Variants in IRAG2 observed in about 807,000 individuals in gnomAD.
The protein encoded by IRAG2 is inositol 1,4,5-triphosphate receptor associated 2, also known as lymphoid restricted membrane protein.
IRAG2 carries 45 observed loss-of-function variants against 69.9 expected under a neutral mutation model. That is an observed-to-expected ratio of 0.64 (90% CI 0.51 to 0.83). IRAG2 has a LOEUF of 0.83. IRAG2 is among the 40% of genes least tolerant of loss of function. IRAG2 has a pLI of 0.00. For synonymous variants in IRAG2, 193 were observed against 202.4 expected, an observed-to-expected ratio of 0.95 and a Z score of 0.40; for missense variants, 520 against 587.0, an observed-to-expected ratio of 0.89 and a Z score of 1.18.
chr12:25,060,704 G>A (rs1466424619), intron 1 of IRAG2, among the ~76,000 whole-genome samples: 1 of 127,230 alleles, frequency 7.9e-6, no homozygotes, highest in Non-Finnish European at 1.6e-5. Context: ...AGGGAGTCTC[G>A]CCCTGGAGTG....
At chr12:25,101,609 C>G (rs867191456) in intron 16 of IRAG2, among the ~76,000 whole-genome samples, 1 of 152,116 alleles carries the variant, frequency 6.6e-6, no homozygotes, top group African/African-American at 2.4e-5. Flanking sequence ...CCTTAGTGTT[C>G]CCCTACTTAG....
upstream of IRAG2, among the ~76,000 whole-genome samples, chr12:25,048,235 G>GT (rs1015425929): frequency 1.3e-5 from 2 of 152,042 alleles, no homozygotes; most frequent in African/African-American, 4.8e-5. Flanking sequence ...TTTCATGTTT[G>GT]TTGGCCATGT....
At chr12:25,097,258 A>G (rs529235133) in intron 15 of IRAG2, 111 of 440,778 alleles carry the variant, frequency 2.5e-4, no homozygotes, top group African/African-American at 2.0e-3. Flanking sequence ...TGACAATCAT[A>G]AAATTTTTGT....
At chr12:25,084,534 T>G (rs1221045450) in intron 10 of IRAG2, among the ~76,000 whole-genome samples, 1 of 134,116 alleles carries the variant, frequency 7.5e-6, no homozygotes, top group Admixed American at 7.6e-5. Context: ...GTTGTATGCA[T>G]GGAGGGGTGT....
At chr12:25,007,882 C>T (rs1483812052) in intron 2 of IRAG2, among the ~76,000 whole-genome samples, 1 of 152,142 alleles carries the variant, frequency 6.6e-6, no homozygotes, top group Non-Finnish European at 1.5e-5. Flanking sequence ...TCTGTAGGAA[C>T]ACAAGCTGTT....
chr12:25,045,670 G>T (rs1944786735), intron 16 of IRAG2, among the ~76,000 whole-genome samples: 1 of 151,794 alleles, frequency 6.6e-6, no homozygotes, highest in Non-Finnish European at 1.5e-5. Flanking sequence ...ATTTCTTTAT[G>T]AATCATGAAG....
chr12:25,094,590 T>G (rs905394767), intron 14 of IRAG2, among the ~76,000 whole-genome samples: 1 of 152,182 alleles, frequency 6.6e-6, no homozygotes, highest in Non-Finnish European at 1.5e-5. Flanking sequence ...TAAATTTTTC[T>G]ATTTCTGCAA....
chr12:25,090,105 T>C lies in IRAG2; in HGVS notation c.514T>C (p.Leu172=), dbSNP rs373895631. The change falls in exon 14 of 22, where the codon TTG becomes CTG. Residue 172 remains leucine (L), a synonymous_variant. Transcript: ENST00000556887. ...SLGFKCDWFT[L]EKRVKLEERS... The stretch of plus-strand genomic sequence containing the variant: ...GGGATTTAAGTGTGACTGGTTTACC[T>C]TGGAGAAGAGAGTGAAGCTTGAAGA... 6.2e-7 allele frequency: 1 copy of C among 1,614,062 alleles called. No homozygotes were observed. Among genetic ancestry groups the C allele is most frequent in the African/African-American group, 1.3e-5 (1 of 75,056 alleles).
chr12:25,077,288 T>TATATATGAA, intron 6 of IRAG2, among the ~76,000 whole-genome samples: 2 of 25,214 alleles, frequency 7.9e-5, no homozygotes, highest in Non-Finnish European at 1.9e-4. Flanking sequence ...ATATATATGA[T>TATATATGAA]ATATATATGA....
At chr12:25,079,200 A>G (rs777225512) in intron 6 of IRAG2, 44 bp from the exon 7 acceptor site, 1 of 1,604,992 alleles carries the variant, frequency 6.2e-7, no homozygotes, top group South Asian at 1.1e-5. Context: ...TGGAATGGAA[A>G]ATGTCAAATT....
exon 1 of IRAG2, chr12:25,004,359 G>A: frequency 9.7e-6 from 12 of 1,232,108 alleles, no homozygotes; most frequent in Non-Finnish European, 1.0e-5. Context: ...CTCCAAGGAA[G>A]GTAACTGAGA....
intron 6 of IRAG2, among the ~76,000 whole-genome samples, chr12:25,077,351 T>G (rs1592023472): frequency 3.2e-5 from 1 of 30,948 alleles, no homozygotes; most frequent in South Asian, 1.0e-3. Context: ...AATATATATA[T>G]GATATATATG....
chr12:25,091,331 C>T (rs1017244729), intron 14 of IRAG2, among the ~76,000 whole-genome samples: 1 of 152,176 alleles, frequency 6.6e-6, no homozygotes, highest in Non-Finnish European at 1.5e-5. Flanking sequence ...AGGGACTTTG[C>T]ATAAGTGGAT....
chr12:25,038,542 T>C (rs1275573973), intron 16 of IRAG2, among the ~76,000 whole-genome samples: 12 of 151,492 alleles, frequency 7.9e-5, no homozygotes, highest in African/African-American at 2.7e-4. Flanking sequence ...CTTGGGAGGC[T>C]GATGCAGGAG....
chr12:25,013,985 C>T (rs1944500301), intron 3 of IRAG2, among the ~76,000 whole-genome samples: 1 of 147,262 alleles, frequency 6.8e-6, no homozygotes. Context: ...TGCCATTCTC[C>T]TGCCTCAGCC....
intron 14 of IRAG2, 120 bp from the exon 15 acceptor site, chr12:25,096,790 T>G: frequency 1.3e-6 from 1 of 741,632 alleles, no homozygotes; most frequent in South Asian, 2.1e-5. Flanking sequence ...CTGCTTCTTT[T>G]CATCTTCCAC....
chr12:25,038,566 C>T (rs896333278), intron 16 of IRAG2, among the ~76,000 whole-genome samples: 2 of 150,266 alleles, frequency 1.3e-5, no homozygotes, highest in East Asian at 1.9e-4. Flanking sequence ...TGCTTGAACC[C>T]GGGAGGCAGA....
At chr12:25,081,713 G>A (rs1373915823) in intron 9 of IRAG2, among the ~76,000 whole-genome samples, 1 of 152,130 alleles carries the variant, frequency 6.6e-6, no homozygotes, top group African/African-American at 2.4e-5. Context: ...AGCATTGTCT[G>A]TAATAACAAA....
chr12:25,057,601 C>G (rs1018941864), intron 1 of IRAG2, among the ~76,000 whole-genome samples: 1 of 152,142 alleles, frequency 6.6e-6, no homozygotes, highest in Non-Finnish European at 1.5e-5. Context: ...CTATTTCTCT[C>G]ATAATCCCTG....
Sources: gnomAD v4.1 joint callset for allele counts (sites outside exome capture counted in the v4.1 genomes callset) on GRCh38, gnomAD v4.1.1 for gene constraint, MANE v1.5 for transcripts, NCBI Gene and HGNC (gene_info 2026-07-23, HGNC 2026-07-21) for gene names.